WNT8A: variants seen among roughly 807,000 people sequenced by gnomAD.
The protein encoded by WNT8A is Wnt family member 8A.
Under a neutral mutation model 20.5 loss-of-function variants are expected in WNT8A, and 14 were observed. The ratio of observed to expected loss-of-function variants is 0.68; its 90% confidence interval spans 0.45 to 1.07. The LOEUF is 1.07. Among genes scored for constraint, WNT8A ranks in the 50% least tolerant of loss-of-function variants. The pLI is 0.00. For synonymous variants in WNT8A, 167 were observed against 169.2 expected, an observed-to-expected ratio of 0.99 and a Z score of 0.10; for missense variants, 397 against 462.9, an observed-to-expected ratio of 0.86 and a Z score of 1.31.
intron 2 of WNT8A, among the ~76,000 whole-genome samples, chr5:138,085,749 A>C (rs566569879): frequency 1.3e-5 from 2 of 151,482 alleles, no homozygotes; most frequent in South Asian, 2.1e-4. Flanking sequence ...AGAGACCTGG[A>C]AGGCTGAGTT....
chr5:138,084,710 G>A, intron 2 of WNT8A, 74 bp downstream of exon 2: 1 of 1,500,624 alleles, frequency 6.7e-7, no homozygotes, highest in Non-Finnish European at 8.9e-7. Flanking sequence ...ATGTGTATAT[G>A]TGTGACATGT....
At chr5:138,088,057 T>C in intron 3 of WNT8A, 126 bp downstream of exon 3, 1 of 1,392,118 alleles carries the variant, frequency 7.2e-7, no homozygotes, top group Non-Finnish European at 9.6e-7. Context: ...CAGCAACTCC[T>C]TCAATTGTAG....
At chr5:138,080,249 A>G (rs1197105402), upstream of WNT8A, among the ~76,000 whole-genome samples, 8 of 149,612 alleles carry the variant, frequency 5.3e-5, no homozygotes, top group African/African-American at 9.8e-5. Flanking sequence ...CTTTGAACCC[A>G]GGAGGCAGAG....
upstream of WNT8A, among the ~76,000 whole-genome samples, chr5:138,079,658 T>C (rs1338271139): frequency 2.0e-5 from 3 of 152,158 alleles, no homozygotes; most frequent in East Asian, 1.9e-4. Flanking sequence ...GAGATACTAC[T>C]ATTCAATCTA....
intron 4 of WNT8A, 73 bp from the exon 5 acceptor site, chr5:138,090,455 A>C (rs1750806785): frequency 2.9e-6 from 4 of 1,376,418 alleles, no homozygotes; most frequent in Non-Finnish European, 4.0e-6. Context: ...ACAGCTCTAA[A>C]ACATTCCCTT....
upstream of WNT8A, among the ~76,000 whole-genome samples, chr5:138,083,612 T>C (rs1750563997): frequency 2.0e-5 from 3 of 152,074 alleles, no homozygotes; most frequent in Admixed American, 1.3e-4. Context: ...TGCTTTATGA[T>C]TATTAACACC....
intron 2 of WNT8A, among the ~76,000 whole-genome samples, chr5:138,086,226 A>C (rs113562292): frequency 0.032 from 4,870 of 151,860 alleles, 269 homozygotes; most frequent in African/African-American, 0.11. Flanking sequence ...TTCTTTCTTT[A>C]TTTATTTTTG....
downstream of WNT8A, among the ~76,000 whole-genome samples, chr5:138,091,700 C>T (rs1047774882): frequency 6.6e-6 from 1 of 152,068 alleles, no homozygotes; most frequent in African/African-American, 2.4e-5. Flanking sequence ...GTGGCACTTG[C>T]CTGTAGTCCT....
In WNT8A at chr5:138,090,781, C is replaced by T. The variant is rs1466988130; in HGVS notation, c.818C>T (p.Ser273Leu). The T allele has an allele frequency of 6.2e-7, 1 of 1,614,110 alleles. No homozygotes were observed. Among genetic ancestry groups the T allele is most frequent in the Non-Finnish European group, 8.5e-7 (1 of 1,180,048 alleles). Residue 273 changes from serine (S) to leucine (L), a missense_variant, in exon 5 of 5, where the codon TCA (serine) becomes TTA (leucine). Physicochemically the swap from Ser to Leu is moderately radical, Grantham distance 145. Transcript: ENST00000506684. Reference sequence around the variant, plus strand: ...GCGGAACTGATCTTTTTAGAGGAATCACCAGATTACTGTACCTGCAATTCC... The same window carrying T: ...GCGGAACTGATCTTTTTAGAGGAATTACCAGATTACTGTACCTGCAATTCC... The part of the protein sequence containing the change: ...AEAELIFLEE[S>L]PDYCTCNSSL...
At chr5:138,081,627 A>G (rs1281575680), upstream of WNT8A, among the ~76,000 whole-genome samples, 4 of 151,990 alleles carry the variant, frequency 2.6e-5, no homozygotes, top group African/African-American at 9.7e-5. Context: ...TTTCTCGCTT[A>G]ACTCAAGTCT....
Position 138,091,142 on chromosome 5 carries a change from G to A in WNT8A, c.*69G>A. The A allele has an allele frequency of 1.9e-6, 3 of 1,553,884 alleles. No individual in the cohort carries two copies. The Admixed American group carries it at 5.6e-5, about 29-fold the overall frequency. ...GGGGACATAGCTTCTCTCTTAGAGA[G>A]AACAGATTGGAAAGCAATCGGAAAA... On this transcript the variant is annotated 3_prime_UTR_variant, in exon 5 of 5. Transcript: ENST00000506684.
upstream of WNT8A, among the ~76,000 whole-genome samples, chr5:138,082,677 A>C (rs1347593426): frequency 6.6e-6 from 1 of 151,894 alleles, no homozygotes; most frequent in Non-Finnish European, 1.5e-5. Flanking sequence ...TAAGAGATCG[A>C]GACCATCCCG....
upstream of WNT8A, among the ~76,000 whole-genome samples, chr5:138,082,892 T>C (rs1750544270): frequency 7.5e-6 from 1 of 133,866 alleles, no homozygotes; most frequent in Non-Finnish European, 1.6e-5. Context: ...AATAAATAAA[T>C]AAATAAATAA....
At chr5:138,088,504 C>A (rs1750743412) in intron 3 of WNT8A, among the ~76,000 whole-genome samples, 2 of 151,894 alleles carry the variant, frequency 1.3e-5, no homozygotes, top group South Asian at 2.1e-4. Context: ...CTACAGGTGC[C>A]CGCCACCACA....
upstream of WNT8A, among the ~76,000 whole-genome samples, chr5:138,079,570 A>G (rs1030276527): frequency 1.3e-5 from 2 of 152,042 alleles, no homozygotes; most frequent in African/African-American, 2.4e-5. Context: ...ATACCATGAA[A>G]ATTAGCAAAT....
chr5:138,084,676 T>A (rs1283371679), intron 2 of WNT8A, 40 bp downstream of exon 2: 2 of 1,564,508 alleles, frequency 1.3e-6, no homozygotes, highest in East Asian at 4.5e-5. Flanking sequence ...GGGGTATATA[T>A]GTGAATGGAG....
Position 138,091,097 on chromosome 5 carries a change from G to T in WNT8A, c.*24G>T. The T allele has an allele frequency of 1.3e-6, 2 of 1,595,148 alleles. No homozygotes were observed. Among genetic ancestry groups the T allele is most frequent in the South Asian group, 2.2e-5 (2 of 88,930 alleles). On this transcript the variant is annotated 3_prime_UTR_variant, in exon 5 of 5. Coordinates refer to ENST00000506684, the MANE Select transcript of WNT8A (RefSeq NM_001300939.2). ...GATAATACCCCACACAAGTTCACTT[G>T]ATTAATTGCATCAGTGGAAGGGGAC... is the stretch of plus-strand genomic sequence containing the variant.
the WNT8A span, among the ~76,000 whole-genome samples, chr5:138,078,521 A>T: frequency 6.6e-6 from 1 of 152,154 alleles, no homozygotes; most frequent in East Asian, 1.9e-4. Context: ...GTTCAGTGAA[A>T]GTGCACTTTT....
At chr5:138,086,244 G>T (rs1750658104) in intron 2 of WNT8A, among the ~76,000 whole-genome samples, 1 of 152,016 alleles carries the variant, frequency 6.6e-6, no homozygotes, top group African/African-American at 2.4e-5. Flanking sequence ...TTGAGACAGG[G>T]TTTCACTTTT....
Sources: allele counts gnomAD v4.1 joint callset (sites outside exome capture counted in the v4.1 genomes callset), GRCh38; gene constraint gnomAD v4.1.1; transcripts MANE v1.5; gene names NCBI Gene and HGNC (gene_info 2026-07-23, HGNC 2026-07-21).